Variants in KCMF1 observed in about 807,000 individuals in gnomAD.
KCMF1 encodes the protein potassium channel modulatory factor 1, also known as E3 ubiquitin-protein ligase KCMF1.
A neutral mutation model predicts 41.1 loss-of-function variants in KCMF1; 3 were observed. The ratio of observed to expected loss-of-function variants is 0.07; its 90% confidence interval spans 0.03 to 0.19. The LOEUF (loss-of-function observed/expected upper bound fraction) is 0.19, where lower values mean the gene tolerates loss of function less well. Among genes scored for constraint, KCMF1 ranks in the 10% least tolerant of loss-of-function variants. The pLI is 1.00. For synonymous variants in KCMF1, 142 were observed against 164.5 expected, an observed-to-expected ratio of 0.86 and a Z score of 1.04; for missense variants, 286 against 488.9, an observed-to-expected ratio of 0.58 and a Z score of 3.91.
At chr2:85,021,436 A>G (rs533019705) in intron 1 of KCMF1, among the ~76,000 whole-genome samples, 2 of 152,248 alleles carry the variant, frequency 1.3e-5, no homozygotes, top group South Asian at 2.1e-4. Context: ...ATCCTGGCCA[A>G]TGTGGTGAAA....
intron 1 of KCMF1, among the ~76,000 whole-genome samples, chr2:85,002,978 T>TCACA (rs1674370866): frequency 6.6e-6 from 1 of 152,216 alleles, no homozygotes; most frequent in African/African-American, 2.4e-5. Flanking sequence ...AGTAAAATGT[T>TCACA]GTAGATATAT....
chr2:85,053,175 G>A lies in KCMF1; in HGVS notation c.912G>A (p.Thr304=), dbSNP rs781494825. Residue 304 remains threonine (T), a synonymous_variant, in exon 7 of 7, where the codon ACG becomes ACA. Transcript: ENST00000409785. ...TRLNDPKMSE[T]ERQSMESERA... is the part of the protein sequence containing the mutation. ...TGAATGATCCTAAAATGTCTGAAAC[G>A]GAGCGCCAGTCCATGGAAAGCGAGC... is the stretch of plus-strand genomic sequence containing the variant. 7 of 1,613,514 alleles carry A rather than the reference G, an allele frequency of 4.3e-6. No homozygotes were observed. The highest frequency in any genetic ancestry group is 2.7e-5 in the African/African-American group (2 of 74,832).
chr2:85,008,310 GATATATATATC>G (rs1228380983), intron 1 of KCMF1, among the ~76,000 whole-genome samples: 10 of 16,234 alleles, frequency 6.2e-4, no homozygotes, highest in African/African-American at 2.2e-3. Context: ...TATATAATAT[GATATATATATC>G]ATATATAATA....
At chr2:85,017,012 C>CTTTTTTTTTTTTTT (rs768880385) in intron 1 of KCMF1, among the ~76,000 whole-genome samples, 1 of 99,526 alleles carries the variant, frequency 1.0e-5, no homozygotes, top group Non-Finnish European at 1.9e-5. Context: ...AGATCCTCTT[C>CTTTTTTTTTTTTTT]TTTTTTTTTT....
intron 1 of KCMF1, among the ~76,000 whole-genome samples, chr2:85,010,984 T>C (rs1216123555): frequency 1.3e-5 from 2 of 151,886 alleles, no homozygotes; most frequent in Non-Finnish European, 2.9e-5. Context: ...GCTGGGACTA[T>C]AGGCGCATGC....
chr2:85,020,738 C>T (rs188562353), intron 1 of KCMF1, among the ~76,000 whole-genome samples: 1 of 152,280 alleles, frequency 6.6e-6, no homozygotes, highest in African/African-American at 2.4e-5. Context: ...GACCTGGAAG[C>T]TATTTTGAAT....
intron 1 of KCMF1, among the ~76,000 whole-genome samples, chr2:84,999,801 C>A (rs1674283497): frequency 6.6e-6 from 1 of 152,078 alleles, no homozygotes; most frequent in Non-Finnish European, 1.5e-5. Flanking sequence ...ATCACATAGT[C>A]ACTAGTGAGT....
At chr2:84,984,224 A>G (rs1309714293) in intron 1 of KCMF1, among the ~76,000 whole-genome samples, 1 of 151,964 alleles carries the variant, frequency 6.6e-6, no homozygotes, top group Non-Finnish European at 1.5e-5. Context: ...AATAAATAAT[A>G]GAAGTTTCTT....
intron 1 of KCMF1, among the ~76,000 whole-genome samples, chr2:84,977,312 G>A (rs1044642086): frequency 5.3e-5 from 8 of 152,176 alleles, no homozygotes; most frequent in Non-Finnish European, 1.2e-4. Context: ...AGTGCCTTTT[G>A]CCTCCCTATA....
intron 1 of KCMF1, 136 bp from the exon 2 acceptor site, chr2:85,027,753 G>T: frequency 3.3e-6 from 2 of 603,184 alleles, no homozygotes; most frequent in East Asian, 2.8e-5. Context: ...AAAACTTCCC[G>T]TATCATTTTA....
chr2:85,004,649 A>G (rs899636970), intron 1 of KCMF1, among the ~76,000 whole-genome samples: 3 of 152,142 alleles, frequency 2.0e-5, no homozygotes, highest in Non-Finnish European at 4.4e-5. Flanking sequence ...GGAGGGGGGC[A>G]GGTGGGCACA....
chr2:84,991,576 T>G (rs1292958998), intron 1 of KCMF1, among the ~76,000 whole-genome samples: 1 of 152,234 alleles, frequency 6.6e-6, no homozygotes, highest in African/African-American at 2.4e-5. Flanking sequence ...AAGCCCGATG[T>G]GTCTTCTGTG....
chr2:85,041,328 T>A (rs1245644570), intron 3 of KCMF1, among the ~76,000 whole-genome samples: 1 of 152,222 alleles, frequency 6.6e-6, no homozygotes, highest in East Asian at 1.9e-4. Context: ...TTATTTTACA[T>A]CCTTGTCTCG....
intron 3 of KCMF1, among the ~76,000 whole-genome samples, chr2:85,039,109 A>G (rs1206379363): frequency 6.6e-6 from 1 of 152,234 alleles, no homozygotes; most frequent in Non-Finnish European, 1.5e-5. Context: ...ATAATGTTTT[A>G]AACTAAAGTG....
intron 6 of KCMF1, among the ~76,000 whole-genome samples, chr2:85,051,430 C>G (rs557897984): frequency 6.6e-6 from 1 of 152,042 alleles, no homozygotes; most frequent in South Asian, 2.1e-4. Flanking sequence ...CTTGCCCTAT[C>G]CTTTTTTTTT....
chr2:85,053,271 A>C lies in KCMF1; in HGVS notation c.1008A>C (p.Ser336=), dbSNP rs1477077913. The stretch of plus-strand genomic sequence containing the variant: ...TAGTGCGTGAAGAGAGCTCATCCTC[A>C]GATGAGGATGATCGGGGGGAGATGG... ...STLVREESSS[S]DEDDRGEMAD... is the part of the protein sequence containing the mutation. Residue 336 remains serine (S), a synonymous_variant, in exon 7 of 7, where the codon TCA becomes TCC. Coordinates refer to ENST00000409785, the MANE Select transcript of KCMF1 (RefSeq NM_020122.5). The C allele has an allele frequency of 6.2e-7, 1 of 1,613,998 alleles. No individual in the cohort carries two copies. The highest frequency in any genetic ancestry group is 8.5e-7 in the Non-Finnish European group (1 of 1,179,892).
At chr2:85,012,394 T>G in intron 1 of KCMF1, among the ~76,000 whole-genome samples, 1 of 152,224 alleles carries the variant, frequency 6.6e-6, no homozygotes, top group East Asian at 1.9e-4. Context: ...ACTTTTAAAT[T>G]TTGTATAATT....
intron 1 of KCMF1, among the ~76,000 whole-genome samples, chr2:85,004,435 C>G (rs1674414022): frequency 6.6e-6 from 1 of 151,994 alleles, no homozygotes; most frequent in South Asian, 2.1e-4. Flanking sequence ...TGGCGTGAAC[C>G]CAGGAGGTGG....
At chr2:85,050,004 G>T (rs1558588157) in intron 6 of KCMF1, among the ~76,000 whole-genome samples, 1 of 152,056 alleles carries the variant, frequency 6.6e-6, no homozygotes, top group Non-Finnish European at 1.5e-5. Context: ...ACAAAAATGA[G>T]CCAGGTGTGA....
Sources: allele counts gnomAD v4.1 joint callset (sites outside exome capture counted in the v4.1 genomes callset), GRCh38; gene constraint gnomAD v4.1.1; transcripts MANE v1.5; gene names NCBI Gene and HGNC (gene_info 2026-07-23, HGNC 2026-07-21).